The following RPH3A variants were observed in gnomAD, a reference collection of about 807,000 sequenced individuals.
RPH3A encodes rabphilin 3A.
RPH3A carries 48 observed loss-of-function variants against 102.2 expected under a neutral mutation model. That is an observed-to-expected ratio of 0.47 (90% CI 0.37 to 0.60). RPH3A has a LOEUF of 0.60. Among genes scored for constraint, RPH3A ranks in the 20% least tolerant of loss-of-function variants. The pLI is 0.00. For missense variants in RPH3A, 781 were observed against 910.1 expected (o/e 0.86, Z 1.83); for synonymous variants, 310 against 324.3 (o/e 0.96, Z 0.47).
At chr12:112,781,193 A>G (rs2041004743) in intron 1 of RPH3A, among the ~76,000 whole-genome samples, 1 of 8,378 alleles carries the variant, frequency 1.2e-4, no homozygotes, top group South Asian at 3.8e-3. Context: ...AAAAAACCAA[A>G]ACAACAACAA....
chr12:112,585,026 G>C (rs1859987309), intron 1 of RPH3A, among the ~76,000 whole-genome samples: 1 of 152,166 alleles, frequency 6.6e-6, no homozygotes, highest in African/African-American at 2.4e-5. Flanking sequence ...AAAGGCTCGA[G>C]AGCCCCTGGC....
chr12:112,843,165 A>G (rs2136181906), intron 4 of RPH3A, among the ~76,000 whole-genome samples: 1 of 152,262 alleles, frequency 6.6e-6, no homozygotes, highest in African/African-American at 2.4e-5. Context: ...TATCCCAAGG[A>G]CCGATTCTTG....
chr12:112,655,403 T>G (rs1036396525), intron 1 of RPH3A, among the ~76,000 whole-genome samples: 1 of 152,142 alleles, frequency 6.6e-6, no homozygotes, highest in Non-Finnish European at 1.5e-5. Context: ...CTCAACATCA[T>G]AGTCGGGTCC....
At chr12:112,676,731 C>G (rs1405470066) in intron 1 of RPH3A, among the ~76,000 whole-genome samples, 1 of 152,156 alleles carries the variant, frequency 6.6e-6, no homozygotes, top group East Asian at 1.9e-4. Context: ...AGGCCCGTCT[C>G]CCTCTTAGAG....
chr12:112,632,740 T>C (rs976105405), intron 1 of RPH3A, among the ~76,000 whole-genome samples: 3 of 152,212 alleles, frequency 2.0e-5, no homozygotes, highest in Admixed American at 1.3e-4. Context: ...GGGGTGGTAC[T>C]ACTGGCATCT....
At chr12:112,849,070 G>T (rs2042279140) in intron 5 of RPH3A, among the ~76,000 whole-genome samples, 1 of 152,162 alleles carries the variant, frequency 6.6e-6, no homozygotes, top group Non-Finnish European at 1.5e-5. Context: ...GCGGATTTGG[G>T]CACTGAGATG....
intron 1 of RPH3A, among the ~76,000 whole-genome samples, chr12:112,761,501 ACAGTAC>A (rs1473772741): frequency 3.9e-5 from 6 of 152,360 alleles, no homozygotes; most frequent in African/African-American, 1.4e-4. Flanking sequence ...TGTCAAGATC[ACAGTAC>A]CAGTCAGGAG....
intron 1 of RPH3A, among the ~76,000 whole-genome samples, chr12:112,618,141 C>T (rs1214047068): frequency 1.3e-5 from 2 of 152,126 alleles, no homozygotes; most frequent in African/African-American, 4.8e-5. Flanking sequence ...GAATTCATCC[C>T]ATGCACACAG....
chr12:112,610,527 C>G (rs764857688), intron 1 of RPH3A, among the ~76,000 whole-genome samples: 1 of 149,856 alleles, frequency 6.7e-6, no homozygotes, highest in Non-Finnish European at 1.5e-5. Context: ...AAAAAAAAAG[C>G]CTTCCTTGAT....
chr12:112,590,542 G>A (rs985503570), intron 1 of RPH3A, among the ~76,000 whole-genome samples: 2 of 152,228 alleles, frequency 1.3e-5, no homozygotes, highest in Non-Finnish European at 2.9e-5. Flanking sequence ...TCAGTGTCAT[G>A]GAAATGGCTC....
chr12:112,858,186 G>C (rs886375319), intron 5 of RPH3A, among the ~76,000 whole-genome samples: 2 of 137,306 alleles, frequency 1.5e-5, no homozygotes, highest in Admixed American at 7.8e-5. Flanking sequence ...AAGTTTGCTT[G>C]AGCCCAGGAG....
At chr12:112,844,773 A>G (rs1053024755) in intron 4 of RPH3A, among the ~76,000 whole-genome samples, 12 of 152,254 alleles carry the variant, frequency 7.9e-5, no homozygotes, top group African/African-American at 2.2e-4. Context: ...TTAAAATTAT[A>G]GAAACCATTG....
chr12:112,598,940 A>T (rs568728456), intron 1 of RPH3A, among the ~76,000 whole-genome samples: 3 of 152,300 alleles, frequency 2.0e-5, no homozygotes, highest in African/African-American at 2.4e-5. Context: ...TTAATTGCAG[A>T]CTATGATTTT....
chr12:112,704,609 T>G (rs1185950831), intron 1 of RPH3A, among the ~76,000 whole-genome samples: 1 of 152,206 alleles, frequency 6.6e-6, no homozygotes, highest in Non-Finnish European at 1.5e-5. Flanking sequence ...CCATCATCTC[T>G]TTCTTCCCAG....
intron 18 of RPH3A, 111 bp downstream of exon 18, chr12:112,890,191 A>C (rs1593134129): frequency 3.2e-6 from 3 of 938,922 alleles, no homozygotes; most frequent in South Asian, 2.9e-5. Context: ...TCTTCCAACC[A>C]CCCCCCTGTT....
chr12:112,609,735 C>A (rs544597569), intron 1 of RPH3A, among the ~76,000 whole-genome samples: 1 of 152,200 alleles, frequency 6.6e-6, no homozygotes. Flanking sequence ...ACCTGCCCCC[C>A]AAACCAACCT....
At chr12:112,882,009 CA>C (rs2042922800) in intron 15 of RPH3A, among the ~76,000 whole-genome samples, 163 bp downstream of exon 15, 1 of 152,224 alleles carries the variant, frequency 6.6e-6, no homozygotes, top group East Asian at 1.9e-4. Flanking sequence ...AAGTATGTTC[CA>C]GGGGTCATTC....
rs935336869 is a variant in RPH3A, at chr12:112,597,465, G to A, written c.-140+22146G>A. Among the ~76,000 whole-genome samples, 15 of 152,010 alleles carry A rather than the reference G, an allele frequency of 9.9e-5. 1 individual carries two copies. Among genetic ancestry groups the A allele is most frequent in the Non-Finnish European group, 1.9e-4 (13 of 67,978 alleles). ...CCAGGCATAGTGGTGTGTGCCTGTA[G>A]CCCCAAGGCTGGGAGTACAGCCTTG... is the stretch of plus-strand genomic sequence containing the variant. On this transcript the variant is annotated intron_variant, in intron 1 of 21. Coordinates refer to the RPH3A transcript ENST00000543106.
At chr12:112,647,895 T>C (rs1790629199) in intron 1 of RPH3A, among the ~76,000 whole-genome samples, 2 of 152,220 alleles carry the variant, frequency 1.3e-5, no homozygotes, top group African/African-American at 4.8e-5. Flanking sequence ...GCCTGACATA[T>C]AGTAAATGCT....
Sources: gnomAD v4.1 joint callset for allele counts (sites outside exome capture counted in the v4.1 genomes callset) on GRCh38, gnomAD v4.1.1 for gene constraint, MANE v1.5 for transcripts, NCBI Gene and HGNC (gene_info 2026-07-23, HGNC 2026-07-21) for gene names.